The following BAIAP3 variants were observed in gnomAD, a reference collection of about 807,000 sequenced individuals.
BAIAP3 encodes BAI1-associated protein 3.
Under a neutral mutation model 149.7 loss-of-function variants are expected in BAIAP3, and 180 were observed. The observed-to-expected ratio is 1.20, with a 90% CI of 1.07 to 1.36. The LOEUF is 1.36. Among genes scored for constraint, BAIAP3 ranks in the 40% most tolerant of loss-of-function variants. BAIAP3 has a pLI of 0.00. For missense variants in BAIAP3, 1,767 were observed against 1,563.4 expected, an observed-to-expected ratio of 1.13 and a Z score of -2.20; for synonymous variants, 845 against 670.7, an observed-to-expected ratio of 1.26 and a Z score of -4.02.
chr16:1,343,115 G>T, intron 14 of BAIAP3, 99 bp downstream of exon 14: 1 of 1,194,382 alleles, frequency 8.4e-7, no homozygotes, highest in African/African-American at 1.5e-5. Context: ...GGCTGGGAGG[G>T]TGGGGCAGGG....
Position 1,345,770 on chromosome 16 carries a change from C to A in BAIAP3, c.2088C>A (p.Ser696=). The part of the protein sequence containing the change: ...MDTLEPVDAS[S]RHSSSAATAG... Reference sequence around the variant, plus strand: ...AGCTGGAGCCCGTGGACGCCTCCTCCAGGCACAGCAGCTCCGCAGCCACTG... The same window carrying A: ...AGCTGGAGCCCGTGGACGCCTCCTCAAGGCACAGCAGCTCCGCAGCCACTG... The change falls in exon 23 of 34, where the codon TCC becomes TCA. Residue 696 remains serine (S), a synonymous_variant. Coordinates refer to ENST00000426824, the MANE Select transcript of BAIAP3 (RefSeq NM_001199097.2). 1.3e-6 allele frequency: 2 copies of A among 1,556,796 alleles called. No homozygotes were observed. The highest frequency in any genetic ancestry group is 1.7e-6 in the Non-Finnish European group (2 of 1,157,742).
In BAIAP3 at chr16:1,345,340, T is replaced by C. The variant is rs1308572785; in HGVS notation, c.2032T>C (p.Trp678Arg). The C allele has an allele frequency of 1.9e-5, 31 of 1,612,782 alleles. No individual in the cohort carries two copies. Among genetic ancestry groups the C allele is most frequent in the Non-Finnish European group, 2.6e-5 (31 of 1,179,872 alleles). ...WFQVLRDQAK[W>R]RLQGAVDMDT... is the part of the protein sequence containing the mutation. ...CCAAGTGCTGAGGGACCAGGCCAAG[T>C]GGAGGCTTCAGGGAGCCGTGGACAT... Residue 678 changes from tryptophan (W) to arginine (R), a missense_variant, in exon 22 of 34, where the codon TGG becomes CGG. Coordinates refer to ENST00000426824, the MANE Select transcript of BAIAP3 (RefSeq NM_001199097.2).
rs534382484 is a variant in BAIAP3, at chr16:1,342,715, G to C, written c.1066-4G>C. 1 of 1,612,326 alleles carries C rather than the reference G, an allele frequency of 6.2e-7. No homozygotes were observed. The highest frequency in any genetic ancestry group is 8.5e-7 in the Non-Finnish European group (1 of 1,179,968). On this transcript the variant is annotated splice_region_variant and splice_polypyrimidine_tract_variant and intron_variant, in intron 12 of 33. Coordinates refer to ENST00000426824, the MANE Select transcript of BAIAP3 (RefSeq NM_001199097.2). ...CTGGTGACTGGGTGGGCTCTGCGTT[G>C]CAGAGGGATACGGCCATGAGCCAGC...
At position 1,341,502 on chromosome 16, in the gene BAIAP3, C is replaced by A. The variant is rs1427442618; in HGVS notation, c.731+13C>A. The A allele has an allele frequency of 1.3e-6, 2 of 1,599,932 alleles. No individual in the cohort carries two copies. The highest frequency in any genetic ancestry group is 1.3e-5 in the African/African-American group (1 of 74,850). On this transcript the variant is annotated intron_variant, in intron 8 of 33. Transcript: ENST00000426824. ...AGCACTTCCTCTTGTGAGGCCCTCGCCCGTCTGGGTGCGGGAGGGGGGCTC... is the reference window on the plus strand; with the variant it reads ...AGCACTTCCTCTTGTGAGGCCCTCGACCGTCTGGGTGCGGGAGGGGGGCTC...
chr16:1,343,092 G>T, intron 14 of BAIAP3, 76 bp downstream of exon 14: 1 of 1,273,200 alleles, frequency 7.9e-7, no homozygotes, highest in South Asian at 1.3e-5. Flanking sequence ...GCCATGCGGT[G>T]AGTGGATGTC....
In BAIAP3 at chr16:1,348,518, C is replaced by A; in HGVS notation, c.*36C>A. The A allele has an allele frequency of 2.6e-6, 4 of 1,564,046 alleles. No individual in the cohort carries two copies. Among genetic ancestry groups the A allele is most frequent in the South Asian group, 1.2e-5 (1 of 85,948 alleles). The stretch of plus-strand genomic sequence containing the variant: ...TGCCAGCCCCGGCCCTGGCCCCCAC[C>A]CCAAGTTCCCTGAAGCATCCTCCAG... On this transcript the variant is annotated 3_prime_UTR_variant, in exon 34 of 34. Transcript: ENST00000426824.
chr16:1,343,262 GGGCAGTGCTATGAGTAGGCGC>G (rs2034058441), intron 14 of BAIAP3, 110 bp from the exon 15 acceptor site: 16 of 1,367,356 alleles, frequency 1.2e-5, no homozygotes, highest in Non-Finnish European at 1.5e-5. Flanking sequence ...GCAGGGAAAG[GGGCAGTGCTATGAGTAGGCGC>G]GGCAGTGCTG....
chr16:1,349,435 C>T lies in BAIAP3; in HGVS notation c.*953C>T, dbSNP rs1352595344. 5 of 1,613,658 alleles carry T rather than the reference C, an allele frequency of 3.1e-6. No homozygotes were observed. The highest frequency in any genetic ancestry group is 3.4e-6 in the Non-Finnish European group (4 of 1,179,894). On this transcript the variant is annotated 3_prime_UTR_variant, in exon 34 of 34. Coordinates refer to ENST00000426824, the MANE Select transcript of BAIAP3 (RefSeq NM_001199097.2). ...CCTCAAAAATATATGTGTCTGCAAC[C>T]CTCAGTCTCTCTGCCGTTTCTTGAT...
At chr16:1,337,746 A>G (rs781410470) in intron 1 of BAIAP3, among the ~76,000 whole-genome samples, 6 of 152,154 alleles carry the variant, frequency 3.9e-5, no homozygotes, top group Non-Finnish European at 7.4e-5. Context: ...AGGGGAACTG[A>G]CGCTGGATGG....
At position 1,341,825 on chromosome 16, in the gene BAIAP3, G is replaced by T. The variant is rs754154120; in HGVS notation, c.735G>T (p.Glu245Asp). 3.7e-5 allele frequency: 59 copies of T among 1,612,364 alleles called. 1 individual carries two copies. The highest frequency in any genetic ancestry group is 4.5e-5 in the Non-Finnish European group (53 of 1,179,806). ...GGCATCTCTGTTCTCCTTGTAGCGA[G>T]ATTGAGGATGTGAGCACGGACCAGC... ...NPVWKEHFLF[E>D]IEDVSTDQLH... is the part of the protein sequence containing the mutation. The change falls in exon 9 of 34, where the codon GAG (glutamate) becomes GAT (aspartate). Residue 245 changes from glutamate to aspartate, a missense_variant. Physicochemically the swap from Glu to Asp is conservative, Grantham distance 45. Coordinates refer to ENST00000426824, the MANE Select transcript of BAIAP3 (RefSeq NM_001199097.2).
intron 8 of BAIAP3, 75 bp downstream of exon 8, chr16:1,341,564 G>A (rs1377175901): frequency 6.6e-6 from 10 of 1,516,646 alleles, no homozygotes; most frequent in Non-Finnish European, 8.9e-6. Flanking sequence ...CCTGGAGGGT[G>A]GTGGCTCGCA....
At position 1,345,978 on chromosome 16, in the gene BAIAP3, C is replaced by T. The variant is rs781529657; in HGVS notation, c.2209-8C>T. On this transcript the variant is annotated splice_region_variant and splice_polypyrimidine_tract_variant and intron_variant, in intron 23 of 33. Transcript: ENST00000426824. ...CTCCATGGCTCCCCACCGCCATCCCCTCCTCAGGACGTGTGTGAGGCCACC... is the reference window on the plus strand; with the variant it reads ...CTCCATGGCTCCCCACCGCCATCCCTTCCTCAGGACGTGTGTGAGGCCACC... 2 of 1,601,166 alleles carry T rather than the reference C, an allele frequency of 1.2e-6. No homozygotes were observed. Among genetic ancestry groups the T allele is most frequent in the East Asian group, 2.2e-5 (1 of 44,498 alleles).
In BAIAP3 at chr16:1,348,807, G is replaced by C. The variant is rs2034566856; in HGVS notation, c.*325G>C. The stretch of plus-strand genomic sequence containing the variant: ...GCTTCCTTGGGCTCCCCGGCCCTGG[G>C]TGGGCGGTGGGCAGCTGGTCTCCAG... On this transcript the variant is annotated 3_prime_UTR_variant, in exon 34 of 34. Transcript: ENST00000426824. 8.3e-6 allele frequency: 4 copies of C among 479,840 alleles called. No homozygotes were observed. The highest frequency in any genetic ancestry group is 7.4e-5 in the East Asian group (2 of 26,846). The allele number at this position is 479,840 out of a possible 1,614,324, so 29.7% of individuals were successfully genotyped here.
intron 22 of BAIAP3, 70 bp downstream of exon 22, chr16:1,345,442 A>ACCCCAGCCTCCCCAGCAAC (rs1290448895): frequency 1.7e-5 from 24 of 1,382,102 alleles, no homozygotes; most frequent in Admixed American, 2.4e-5. Context: ...CTCCCCAGCA[A>ACCCCAGCCTCCCCAGCAAC]CCCCAGCCTC....
intron 14 of BAIAP3, 174 bp downstream of exon 14, chr16:1,343,190 C>T (rs761056): frequency 0.87 from 938,170 of 1,072,448 alleles, 411,573 homozygotes; most frequent in East Asian, 1. Flanking sequence ...GGCGGTGCTA[C>T]GGGTAGGTGA....
In BAIAP3 at chr16:1,345,331, C is replaced by T. The variant is rs1326114353; in HGVS notation, c.2023C>T (p.Gln675Ter). Residue 675 changes from glutamine to a stop codon, truncating the protein, a stop_gained, in exon 22 of 34, where the codon CAG becomes TAG. Coordinates refer to ENST00000426824, the MANE Select transcript of BAIAP3 (RefSeq NM_001199097.2). LOFTEE classifies it high-confidence loss of function. The part of the protein sequence containing the change: ...VKLWFQVLRD[Q>*]AKWRLQGAVD... ...GCTCTGGTTCCAAGTGCTGAGGGACCAGGCCAAGTGGAGGCTTCAGGGAGC... is the reference window on the plus strand; with the variant it reads ...GCTCTGGTTCCAAGTGCTGAGGGACTAGGCCAAGTGGAGGCTTCAGGGAGC... 6.2e-7 allele frequency: 1 copy of T among 1,612,880 alleles called. No individual in the cohort carries two copies. Among genetic ancestry groups the T allele is most frequent in the Non-Finnish European group, 8.5e-7 (1 of 1,179,886 alleles).
In BAIAP3 at chr16:1,346,543, G is replaced by T. The variant is rs544841596; in HGVS notation, c.2562+33G>T. ...CCGGGGCGAGGGGCCGTGGAGGACT[G>T]TGTGTACTGGGGGTAGGGCAGAGGT... On this transcript the variant is annotated intron_variant, in intron 26 of 33. Coordinates refer to ENST00000426824, the MANE Select transcript of BAIAP3 (RefSeq NM_001199097.2). 9 of 1,592,458 alleles carry T rather than the reference G, an allele frequency of 5.7e-6. No individual in the cohort carries two copies. The African/African-American group carries it at 9.4e-5, about 17-fold the overall frequency.
At chr16:1,345,592 C>T (rs5016389) in intron 22 of BAIAP3, 155 bp from the exon 23 acceptor site, 9 of 216,652 alleles carry the variant, frequency 4.2e-5, no homozygotes, top group East Asian at 2.8e-4. Flanking sequence ...CAGCCTCCCC[C>T]GCAACCCCAG....
In BAIAP3 at chr16:1,346,924, A is replaced by G. The variant is rs761127780; in HGVS notation, c.2720A>G (p.Asp907Gly). ...GGTGCAAACCGTGACGTCTCTGCTG[A>G]TTTCTACAGCCGCTTCCATTTCACG... ...ALGANRDVSA[D>G]FYSRFHFTLE... Residue 907 changes from aspartate (D) to glycine (G), a missense_variant, in exon 28 of 34, where the codon GAT becomes GGT. Asp to Gly is a moderately conservative substitution (Grantham distance 94, BLOSUM62 -1). Coordinates refer to ENST00000426824, the MANE Select transcript of BAIAP3 (RefSeq NM_001199097.2). The G allele has an allele frequency of 1.2e-6, 2 of 1,611,568 alleles. No individual in the cohort carries two copies. The highest frequency in any genetic ancestry group is 1.7e-6 in the Non-Finnish European group (2 of 1,179,768).
Sources: allele counts gnomAD v4.1 joint callset (sites outside exome capture counted in the v4.1 genomes callset), GRCh38; gene constraint gnomAD v4.1.1; transcripts MANE v1.5; gene names NCBI Gene and HGNC (gene_info 2026-07-23, HGNC 2026-07-21).